POLR1D: variants seen among roughly 807,000 people sequenced by gnomAD.
POLR1D encodes RNA polymerase I and III subunit D.
Under a neutral mutation model 10.8 loss-of-function variants are expected in POLR1D, and 8 were observed. The observed-to-expected ratio is 0.74, with a 90% CI of 0.43 to 1.33. POLR1D has a LOEUF of 1.33. Ranked by LOEUF, POLR1D falls within the 40% of genes most tolerant of loss-of-function variation. The pLI is 0.01. For synonymous variants in POLR1D, 54 were observed against 57.2 expected (o/e 0.94, Z 0.25); for missense variants, 152 against 161.7 (o/e 0.94, Z 0.32).
intron 1 of POLR1D, among the ~76,000 whole-genome samples, chr13:27,645,535 G>A (rs1956211842): frequency 6.6e-6 from 1 of 152,112 alleles, no homozygotes; most frequent in Non-Finnish European, 1.5e-5. Flanking sequence ...TGGTTATATA[G>A]AATAGTACTT....
chr13:27,648,145 TC>T (rs1336556639), intron 1 of POLR1D: 4 of 389,990 alleles, frequency 1.0e-5, no homozygotes, highest in Non-Finnish European at 1.9e-5. Flanking sequence ...CTGTCTCATA[TC>T]AAAAATATTT....
chr13:27,627,142 G>A (rs1956019105), downstream of POLR1D, among the ~76,000 whole-genome samples: 2 of 152,142 alleles, frequency 1.3e-5, no homozygotes, highest in South Asian at 4.1e-4. Flanking sequence ...CTCTTAGGAA[G>A]TTTACCCAAA....
intron 1 of POLR1D, among the ~76,000 whole-genome samples, chr13:27,633,976 C>T (rs574565021): frequency 6.6e-6 from 1 of 152,310 alleles, no homozygotes; most frequent in South Asian, 2.1e-4. Context: ...GTACCATCAT[C>T]ATATTCTTGT....
intron 2 of POLR1D, among the ~76,000 whole-genome samples, chr13:27,657,017 T>C (rs1956314049): frequency 6.6e-6 from 1 of 152,130 alleles, no homozygotes; most frequent in South Asian, 2.1e-4. Flanking sequence ...ATTGGCCAGG[T>C]CAGGGAAGGC....
intron 2 of POLR1D, among the ~76,000 whole-genome samples, chr13:27,653,341 AAAAG>A (rs1488983517): frequency 1.3e-5 from 2 of 152,202 alleles, no homozygotes; most frequent in African/African-American, 2.4e-5. Context: ...GACTACAGAA[AAAAG>A]AAAGAGCAGA....
chr13:27,648,295 C>G, intron 1 of POLR1D: 1 of 952,618 alleles, frequency 1.0e-6, no homozygotes, highest in South Asian at 1.4e-5. Context: ...TAGTTCCTTT[C>G]CCAAGATCAT....
intron 1 of POLR1D, among the ~76,000 whole-genome samples, chr13:27,633,005 G>A (rs1408224539): frequency 6.6e-6 from 1 of 152,192 alleles, no homozygotes; most frequent in Non-Finnish European, 1.5e-5. Context: ...CCACAAATTT[G>A]TGGTTGTGTG....
chr13:27,629,227 T>C (rs1332182047), intron 1 of POLR1D, among the ~76,000 whole-genome samples: 1 of 152,220 alleles, frequency 6.6e-6, no homozygotes, highest in Non-Finnish European at 1.5e-5. Context: ...CATTGGAATT[T>C]AGAGCTGTTG....
chr13:27,627,686 G>A (rs902301918), downstream of POLR1D, among the ~76,000 whole-genome samples: 1 of 149,688 alleles, frequency 6.7e-6, no homozygotes, highest in Admixed American at 6.6e-5. Flanking sequence ...GTGTAAGAGA[G>A]CTGTTAAAGA....
chr13:27,659,236 G>A (rs1042272143), intron 2 of POLR1D, among the ~76,000 whole-genome samples: 1 of 152,208 alleles, frequency 6.6e-6, no homozygotes, highest in Non-Finnish European at 1.5e-5. Context: ...ATCATGGACA[G>A]CAGTAAAGAA....
rs1956240730 is a variant in POLR1D, at chr13:27,648,577, GACAAGTGTAGAGTAAGAC to G, written c.101+127_101+144del. ...ATGGAAGCAGAGGAAATCTCTCAGA[GACAAGTGTAGAGTAAGAC>G]ACTGCTGAGAACTGAATGTTGAGAA... On this transcript the variant is annotated intron_variant, in intron 2 of 2. Coordinates refer to the POLR1D transcript ENST00000399697. The G allele has an allele frequency of 4.6e-6, 3 of 651,968 alleles. No individual in the cohort carries two copies. The Admixed American group carries it at 6.5e-5, about 14-fold the overall frequency. The allele number at this position is 651,968 out of a possible 1,614,324, so 40.4% of individuals were successfully genotyped here.
At chr13:27,638,706 A>G (rs1956148802) in intron 1 of POLR1D, among the ~76,000 whole-genome samples, 2 of 152,320 alleles carry the variant, frequency 1.3e-5, no homozygotes, top group East Asian at 1.9e-4. Context: ...TGAATAGGCC[A>G]TCCTCGGGGC....
chr13:27,646,038 A>C (rs549602396), intron 1 of POLR1D, among the ~76,000 whole-genome samples: 1 of 152,200 alleles, frequency 6.6e-6, no homozygotes, highest in Non-Finnish European at 1.5e-5. Context: ...ATAAGTTTCT[A>C]TAGTCTGGTC....
chr13:27,632,847 A>G (rs1956087432), intron 1 of POLR1D, among the ~76,000 whole-genome samples: 1 of 152,206 alleles, frequency 6.6e-6, no homozygotes, highest in Non-Finnish European at 1.5e-5. Context: ...CCCTGGAACA[A>G]TGCCTGGCTC....
At chr13:27,647,391 A>T (rs1434490367) in intron 1 of POLR1D, among the ~76,000 whole-genome samples, 2 of 151,506 alleles carry the variant, frequency 1.3e-5, no homozygotes, top group East Asian at 1.9e-4. Context: ...TATTATTATT[A>T]TTTTTATTTT....
exon 3 of POLR1D, chr13:27,665,869 C>T (rs1408438164): frequency 1.2e-6 from 2 of 1,614,174 alleles, no homozygotes; most frequent in Admixed American, 1.7e-5. Flanking sequence ...AGCACAGCTT[C>T]CGCGCTCGAG....
intron 1 of POLR1D, among the ~76,000 whole-genome samples, chr13:27,637,995 A>G (rs1956141823): frequency 6.6e-6 from 1 of 152,078 alleles, no homozygotes; most frequent in Non-Finnish European, 1.5e-5. Context: ...TTGTCTACGT[A>G]TATATGTACT....
At chr13:27,649,781 G>A (rs1314508110) in intron 2 of POLR1D, among the ~76,000 whole-genome samples, 1 of 152,162 alleles carries the variant, frequency 6.6e-6, no homozygotes, top group Admixed American at 6.6e-5. Flanking sequence ...GAGCACCCCG[G>A]TGCCAAAACT....
chr13:27,665,884 C>T lies in POLR1D; in HGVS notation c.300C>T (p.Ser100=), dbSNP rs41291680. 0.024 allele frequency: 39,506 copies of T among 1,614,084 alleles called. 601 individuals carry two copies. Among genetic ancestry groups the T allele is most frequent in the Non-Finnish European group, 0.028 (33,606 of 1,179,946 alleles). Residue 100 remains serine, a synonymous_variant, in exon 3 of 3, where the codon TCC becomes TCT. Coordinates refer to the POLR1D transcript ENST00000399697. The stretch of plus-strand genomic sequence containing the variant: ...AGCACAGCTTCCGCGCTCGAGGTTC[C>T]GCCAGTTACTCCCCGCCACGAAAGC...
Sources: gnomAD v4.1 joint callset for allele counts (sites outside exome capture counted in the v4.1 genomes callset) on GRCh38, gnomAD v4.1.1 for gene constraint, MANE v1.5 for transcripts, NCBI Gene and HGNC (gene_info 2026-07-23, HGNC 2026-07-21) for gene names.